Variants in KL observed in about 807,000 individuals in gnomAD.
KL encodes the protein klotho, also known as alpha-klotho.
KL carries 62 observed loss-of-function variants against 84.2 expected under a neutral mutation model. The observed-to-expected ratio is 0.74, with a 90% CI of 0.60 to 0.91. The LOEUF (loss-of-function observed/expected upper bound fraction) is 0.91. Among genes scored for constraint, KL ranks in the 40% least tolerant of loss-of-function variants. The pLI is 0.00. For synonymous variants in KL, 528 were observed against 528.0 expected (o/e 1.00, Z 0.00); for missense variants, 1,261 against 1,305.7 (o/e 0.97, Z 0.53).
intron 1 of KL, among the ~76,000 whole-genome samples, chr13:33,023,408 G>A (rs1870643199): frequency 1.3e-5 from 2 of 152,166 alleles, no homozygotes; most frequent in African/African-American, 4.8e-5. Context: ...TGGTCCTCTT[G>A]AGCTGTTTAG....
chr13:33,024,666 T>A (rs1012538843), intron 1 of KL, among the ~76,000 whole-genome samples: 2 of 152,202 alleles, frequency 1.3e-5, no homozygotes, highest in African/African-American at 4.8e-5. Flanking sequence ...TTGGGGATGC[T>A]GCTCTTCCCC....
intron 1 of KL, among the ~76,000 whole-genome samples, chr13:33,027,824 C>A (rs1389638117): frequency 6.6e-6 from 1 of 152,186 alleles, no homozygotes; most frequent in Non-Finnish European, 1.5e-5. Context: ...GTTCCCCAAC[C>A]CCTCTTGTGT....
At chr13:33,026,097 CT>C (rs1566499055) in intron 1 of KL, among the ~76,000 whole-genome samples, 1 of 152,170 alleles carries the variant, frequency 6.6e-6, no homozygotes, top group African/African-American at 2.4e-5. Flanking sequence ...TATGTCTCTT[CT>C]GTATGAATAA....
chr13:33,062,672 CAA>C (rs35287139), intron 4 of KL, among the ~76,000 whole-genome samples: 4 of 68,114 alleles, frequency 5.9e-5, no homozygotes, highest in African/African-American at 1.2e-4. Flanking sequence ...GACTCCATCT[CAA>C]AAAAAAAAAA....
intron 1 of KL, among the ~76,000 whole-genome samples, chr13:33,037,327 T>A (rs995739799): frequency 7.9e-5 from 12 of 152,048 alleles, no homozygotes; most frequent in Admixed American, 3.9e-4. Flanking sequence ...CCGTCACTTT[T>A]AAAAAAAACA....
At chr13:33,045,654 T>G (rs1262080501) in intron 1 of KL, among the ~76,000 whole-genome samples, 1 of 152,100 alleles carries the variant, frequency 6.6e-6, no homozygotes, top group African/African-American at 2.4e-5. Flanking sequence ...TAATTTTGTA[T>G]TTTTAGTAGA....
At chr13:33,041,402 A>C (rs1248237122) in intron 1 of KL, among the ~76,000 whole-genome samples, 1 of 141,820 alleles carries the variant, frequency 7.1e-6, no homozygotes, top group Non-Finnish European at 1.5e-5. Flanking sequence ...ATTACTTTTT[A>C]AATGGCAAAA....
At position 33,061,455 on chromosome 13, in the gene KL, T is replaced by C; in HGVS notation, c.2376T>C (p.Asp792=). 1 of 1,614,152 alleles carries C rather than the reference T, an allele frequency of 6.2e-7. No individual in the cohort carries two copies. Among genetic ancestry groups the C allele is most frequent in the Non-Finnish European group, 8.5e-7 (1 of 1,180,008 alleles). The change falls in exon 4 of 5, where the codon GAT becomes GAC. Residue 792 remains aspartate, a synonymous_variant. Coordinates refer to ENST00000380099, the MANE Select transcript of KL (RefSeq NM_004795.4). ...NNFLLPYFTE[D]EKKLIQGTFD... Reference sequence around the variant, plus strand: ...TTCTTCTTCCTTATTTCACTGAAGATGAAAAAAAGCTAATCCAGGGTACCT... The same window carrying C: ...TTCTTCTTCCTTATTTCACTGAAGACGAAAAAAAGCTAATCCAGGGTACCT...
chr13:33,021,377 A>G (rs539761375), intron 1 of KL, among the ~76,000 whole-genome samples: 2 of 152,318 alleles, frequency 1.3e-5, no homozygotes, highest in South Asian at 4.1e-4. Context: ...ATCTGTAGTC[A>G]CCATGCAGCA....
In KL at chr13:33,016,747, G is replaced by A; in HGVS notation, c.307G>A (p.Asp103Asn). 2 of 1,611,760 alleles carry A rather than the reference G, an allele frequency of 1.2e-6. No homozygotes were observed. Among genetic ancestry groups the A allele is most frequent in the Non-Finnish European group, 1.7e-6 (2 of 1,179,388 alleles). The change falls in exon 1 of 5, where the codon GAC (aspartate) becomes AAC (asparagine). Residue 103 changes from aspartate (D) to asparagine (N), a missense_variant. Physicochemically the swap from Asp to Asn is conservative, Grantham distance 23. Transcript: ENST00000380099. ...FTHHPLAPPG[D>N]SRNASLPLGA... ...CCACCACCCCCTGGCACCCCCGGGA[G>A]ACTCCCGGAACGCCAGTCTGCCGTT...
intron 1 of KL, among the ~76,000 whole-genome samples, chr13:33,040,291 A>T (rs965468618): frequency 2.6e-5 from 4 of 152,244 alleles, no homozygotes; most frequent in Non-Finnish European, 5.9e-5. Context: ...GCTAGTTGGC[A>T]TGCTTATGTA....
At chr13:33,055,496 A>G (rs755831460) in intron 3 of KL, 181 bp downstream of exon 3, 20 of 691,084 alleles carry the variant, frequency 2.9e-5, no homozygotes, top group East Asian at 1.6e-4. Flanking sequence ...AACTCTTCCA[A>G]TCTTCATCTT....
At chr13:33,032,183 G>A (rs1870996361) in intron 1 of KL, among the ~76,000 whole-genome samples, 1 of 152,172 alleles carries the variant, frequency 6.6e-6, no homozygotes, top group Non-Finnish European at 1.5e-5. Flanking sequence ...TGCCACTAAC[G>A]TCTTTAACCT....
chr13:33,025,522 CA>C (rs1870741531), intron 1 of KL, among the ~76,000 whole-genome samples: 1 of 152,148 alleles, frequency 6.6e-6, no homozygotes, highest in South Asian at 2.1e-4. Flanking sequence ...AAAGTCAGTA[CA>C]GGTGAGACAG....
At chr13:33,017,981 T>C (rs954492279) in intron 1 of KL, among the ~76,000 whole-genome samples, 5 of 152,250 alleles carry the variant, frequency 3.3e-5, no homozygotes, top group African/African-American at 1.2e-4. Flanking sequence ...ACTTATGACA[T>C]TGTTAGCCTG....
chr13:33,016,923 C>G lies in KL; in HGVS notation c.483C>G (p.Ser161Arg). 1 of 1,610,472 alleles carries G rather than the reference C, an allele frequency of 6.2e-7. No homozygotes were observed. Among genetic ancestry groups the G allele is most frequent in the Non-Finnish European group, 8.5e-7 (1 of 1,179,292 alleles). The change falls in exon 1 of 5, where the codon AGC becomes AGG. Residue 161 changes from serine to arginine, a missense_variant. Transcript: ENST00000380099. ...ISWARVLPNG[S>R]AGVPNREGLR... is the part of the protein sequence containing the mutation. The stretch of plus-strand genomic sequence containing the variant: ...GGGCGCGAGTGCTCCCCAATGGCAG[C>G]GCGGGCGTCCCCAACCGCGAGGGGC...
rs1870391300 is a variant in KL, at chr13:33,017,141, G to A, written c.701G>A (p.Trp234Ter). 6.2e-7 allele frequency: 1 copy of A among 1,602,722 alleles called. No individual in the cohort carries two copies. The highest frequency in any genetic ancestry group is 8.5e-7 in the Non-Finnish European group (1 of 1,179,786). The change falls in exon 1 of 5, where the codon TGG (tryptophan) becomes TAG (stop). Residue 234 changes from tryptophan (W) to a stop codon, truncating the protein, a stop_gained. Transcript: ENST00000380099. LOFTEE classifies it high-confidence loss of function. ...CACTTCGGCGGTCAGGTCAAGTACT[G>A]GATCACCATCGACAACCCCTACGTG... ...FRHFGGQVKYWITIDNPYVVA... is the reference protein window; with the variant it reads ...FRHFGGQVKY
intron 1 of KL, among the ~76,000 whole-genome samples, chr13:33,042,518 C>G (rs556081918): frequency 2.1e-4 from 32 of 152,252 alleles, no homozygotes; most frequent in African/African-American, 7.5e-4. Context: ...TCTACACAAT[C>G]TTTTTGACAT....
chr13:33,023,072 C>T (rs540333436), intron 1 of KL, among the ~76,000 whole-genome samples: 138 of 152,292 alleles, frequency 9.1e-4, no homozygotes, highest in Non-Finnish European at 1.6e-3. Context: ...AAAAGGTGGC[C>T]TCTCAAGTGC....
Sources: gnomAD v4.1 joint callset for allele counts (sites outside exome capture counted in the v4.1 genomes callset) on GRCh38, gnomAD v4.1.1 for gene constraint, MANE v1.5 for transcripts, NCBI Gene and HGNC (gene_info 2026-07-23, HGNC 2026-07-21) for gene names.